Variants in PHEX observed in about 807,000 individuals in gnomAD.
The protein encoded by PHEX is phosphate regulating endopeptidase X-linked.
Under a neutral mutation model 68.0 loss-of-function variants are expected in PHEX, and 16 were observed. The ratio of observed to expected loss-of-function variants is 0.24; its 90% CI spans 0.16 to 0.36. The LOEUF (loss-of-function observed/expected upper bound fraction) is 0.36. Ranked by LOEUF, PHEX falls within the 10% of genes least tolerant of loss-of-function variation. The probability of loss-of-function intolerance (pLI) is 1.00; values close to 1 mark genes in which losing one functional copy is unlikely to be tolerated. For missense variants in PHEX, 480 were observed against 575.5 expected (o/e 0.83, Z 1.70); for synonymous variants, 208 against 205.1 (o/e 1.01, Z -0.12).
At chrX:22,202,512 G>A (rs1934588394) in intron 15 of PHEX, among the ~76,000 whole-genome samples, 1 of 112,095 alleles carries the variant, frequency 8.9e-6, no homozygotes, top group Admixed American at 9.5e-5. Flanking sequence ...AAATGAGATG[G>A]TTTAACCTTT....
chrX:22,038,089 G>C (rs1180685779), intron 1 of PHEX, among the ~76,000 whole-genome samples: 1 of 110,808 alleles, frequency 9.0e-6, no homozygotes, highest in Non-Finnish European at 1.9e-5. Flanking sequence ...TGGGGGGCTT[G>C]TTAAACCGCA....
intron 20 of PHEX, among the ~76,000 whole-genome samples, chrX:22,228,388 TC>T (rs758607921): frequency 1.8e-5 from 2 of 112,074 alleles, no homozygotes; most frequent in Non-Finnish European, 3.8e-5. Context: ...AACCTTTTGT[TC>T]CTAAGTCTGT....
chrX:22,251,197 G>A lies in PHEX; in HGVS notation c.*3244G>A, dbSNP rs1936555089. The A allele has an allele frequency of 8.9e-6, 1 of 112,409 alleles. No individual in the cohort carries two copies. The highest frequency in any genetic ancestry group is 3.7e-4 in the South Asian group (1 of 2,737). 9.3% of individuals were successfully genotyped at this position (112,409 alleles called of 1,213,427 possible). ...ACTGGTTTGAAGAAAGATATTCTTG[G>A]ATTATGTGTTTTATATCTAAATGGT... On this transcript the variant is annotated 3_prime_UTR_variant, in exon 22 of 22. Coordinates refer to ENST00000379374, the MANE Select transcript of PHEX (RefSeq NM_000444.6).
intron 16 of PHEX, among the ~76,000 whole-genome samples, chrX:22,214,310 T>A (rs144289038): frequency 2.7e-3 from 299 of 112,236 alleles, no homozygotes; most frequent in African/African-American, 8.8e-3. Flanking sequence ...AGGACCCTTG[T>A]GATTACACTG....
intron 15 of PHEX, among the ~76,000 whole-genome samples, chrX:22,194,923 G>T (rs992025978): frequency 1.8e-5 from 2 of 112,537 alleles, no homozygotes; most frequent in African/African-American, 6.5e-5. Flanking sequence ...GAATAAGGTG[G>T]TTAAAGAGGA....
At chrX:22,087,590 C>G (rs1301266386) in intron 5 of PHEX, among the ~76,000 whole-genome samples, 1 of 111,440 alleles carries the variant, frequency 9.0e-6, no homozygotes, top group East Asian at 2.8e-4. Context: ...AAACTGTAAT[C>G]TTATACAAAT....
At chrX:22,127,898 G>A (rs1340954836) in intron 11 of PHEX, among the ~76,000 whole-genome samples, 1 of 111,394 alleles carries the variant, frequency 9.0e-6, no homozygotes, top group East Asian at 2.8e-4. Flanking sequence ...GGTGGGGGCA[G>A]GGGAGGAGGT....
chrX:22,248,110 G>A lies in PHEX; in HGVS notation c.*157G>A, dbSNP rs867689257. 18 of 477,266 alleles carry A rather than the reference G, an allele frequency of 3.8e-5. No individual in the cohort carries two copies. In the African/African-American group the frequency reaches 4.3e-4, roughly 11 times the overall value. The allele number at this position is 477,266 out of a possible 1,213,427, so 39.3% of individuals were successfully genotyped here. Reference sequence around the variant, plus strand: ...ACCTGCTTGGATCTAGACAGCATCTGTTCAAAGTTGTAGGGCTTATAAAGT... The same window carrying A: ...ACCTGCTTGGATCTAGACAGCATCTATTCAAAGTTGTAGGGCTTATAAAGT... On this transcript the variant is annotated 3_prime_UTR_variant, in exon 22 of 22. Coordinates refer to ENST00000379374, the MANE Select transcript of PHEX (RefSeq NM_000444.6).
At chrX:22,243,084 T>C (rs1456118923) in intron 20 of PHEX, among the ~76,000 whole-genome samples, 1 of 111,790 alleles carries the variant, frequency 8.9e-6, no homozygotes, top group African/African-American at 3.3e-5. Context: ...AAAACAGATA[T>C]GTAGACCAGT....
At chrX:22,088,008 A>G (rs1169024760) in intron 5 of PHEX, among the ~76,000 whole-genome samples, 1 of 111,844 alleles carries the variant, frequency 8.9e-6, no homozygotes, top group Non-Finnish European at 1.9e-5. Context: ...CAAGAAATAG[A>G]ATAGTCCCAT....
intron 14 of PHEX, among the ~76,000 whole-genome samples, chrX:22,179,110 G>A (rs1417082150): frequency 9.0e-6 from 1 of 111,200 alleles, no homozygotes; most frequent in African/African-American, 3.3e-5. Context: ...AAAATAAAAG[G>A]CTTACAACTG....
chrX:22,041,635 A>G (rs1427939952), intron 2 of PHEX, among the ~76,000 whole-genome samples: 1 of 110,259 alleles, frequency 9.1e-6, no homozygotes, highest in Non-Finnish European at 1.9e-5. Context: ...AGAGATTGTC[A>G]TGGAGTGGGG....
intron 15 of PHEX, among the ~76,000 whole-genome samples, chrX:22,201,314 C>A (rs760404007): frequency 9.9e-5 from 11 of 111,070 alleles, no homozygotes; most frequent in Non-Finnish European, 1.5e-4. Flanking sequence ...GCAGCTGGGA[C>A]TACAGGCGCT....
At chrX:22,194,074 C>T (rs1281612087) in intron 15 of PHEX, among the ~76,000 whole-genome samples, 1 of 111,939 alleles carries the variant, frequency 8.9e-6, no homozygotes, top group Non-Finnish European at 1.9e-5. Flanking sequence ...GGGTTCACCC[C>T]TGCTCAGCCT....
At chrX:22,078,384 G>A (rs1213313356) in intron 5 of PHEX, among the ~76,000 whole-genome samples, 1 of 111,976 alleles carries the variant, frequency 8.9e-6, no homozygotes, top group Admixed American at 9.5e-5. Flanking sequence ...AATAACATTC[G>A]TCAAATAGTT....
intron 9 of PHEX, among the ~76,000 whole-genome samples, chrX:22,104,445 G>A (rs1028487796): frequency 9.0e-6 from 1 of 110,586 alleles, no homozygotes; most frequent in Admixed American, 9.6e-5. Context: ...TGTTTGAGGT[G>A]GAAAGGGGGG....
intron 18 of PHEX, among the ~76,000 whole-genome samples, chrX:22,224,993 G>GATTTATTATCATACAGCCC: frequency 1.0e-5 from 1 of 99,033 alleles, no homozygotes; most frequent in African/African-American, 3.7e-5. Flanking sequence ...AGCTCTGTAT[G>GATTTATTATCATACAGCCC]TCAGAAGTCT....
intron 12 of PHEX, among the ~76,000 whole-genome samples, chrX:22,144,054 TG>T (rs1314751406): frequency 2.7e-5 from 3 of 111,851 alleles, no homozygotes; most frequent in Non-Finnish European, 5.6e-5. Flanking sequence ...ACACTAGCTA[TG>T]GGACCTCAGG....
intron 13 of PHEX, chrX:22,171,817 G>A (rs967210737): frequency 8.9e-6 from 1 of 111,930 alleles, no homozygotes; most frequent in Non-Finnish European, 1.9e-5. Flanking sequence ...GGACCTATGA[G>A]AAATTTCTGG....
Sources: gnomAD v4.1 joint callset for allele counts (sites outside exome capture counted in the v4.1 genomes callset) on GRCh38, gnomAD v4.1.1 for gene constraint, MANE v1.5 for transcripts, NCBI Gene and HGNC (gene_info 2026-07-23, HGNC 2026-07-21) for gene names.